Variants in PRDM11 observed in about 807,000 individuals in gnomAD.
PRDM11 encodes the protein PR domain-containing protein 11.
In PRDM11, 20 loss-of-function variants were observed where a neutral mutation model predicts 97.8. The observed-to-expected ratio is 0.20, with a 90% CI of 0.14 to 0.30. The LOEUF (loss-of-function observed/expected upper bound fraction) is 0.30, where lower values mean the gene tolerates loss of function less well. Among genes scored for constraint, PRDM11 ranks in the 10% least tolerant of loss-of-function variants. PRDM11 has a pLI of 1.00. For missense variants in PRDM11, 1,139 were observed against 1,555.2 expected (o/e 0.73, Z 4.50); for synonymous variants, 599 against 637.7 (o/e 0.94, Z 0.91).
At chr11:45,193,130 G>A (rs1267108727) in intron 4 of PRDM11, among the ~76,000 whole-genome samples, 2 of 152,128 alleles carry the variant, frequency 1.3e-5, no homozygotes, top group Non-Finnish European at 2.9e-5. Flanking sequence ...CAGGCTGAGT[G>A]CAATGGCAAG....
At position 45,162,811 on chromosome 11, in the gene PRDM11, C is replaced by T. The variant is rs904377512; in HGVS notation, c.-7+15934C>T. Among the ~76,000 whole-genome samples the T allele has an allele frequency of 2.0e-5, 3 of 152,236 alleles. No individual in the cohort carries two copies. The South Asian group carries it at 6.2e-4, about 32-fold the overall frequency. On this transcript the variant is annotated intron_variant, in intron 1 of 7. Coordinates refer to ENST00000683152, the MANE Select transcript of PRDM11 (RefSeq NM_001384648.1). Reference sequence around the variant, plus strand: ...AAGGTGGCAGTGCGCCTTTCTCACTCCTGGCACCATGCCTGACACATGGCA... The same window carrying T: ...AAGGTGGCAGTGCGCCTTTCTCACTTCTGGCACCATGCCTGACACATGGCA...
chr11:45,165,628 A>T (rs1158339093), intron 1 of PRDM11, among the ~76,000 whole-genome samples: 2 of 152,228 alleles, frequency 1.3e-5, no homozygotes, highest in Non-Finnish European at 2.9e-5. Flanking sequence ...GCTCCAGGGG[A>T]TCGTTGCCAT....
chr11:45,147,823 G>T (rs963950030), intron 1 of PRDM11, among the ~76,000 whole-genome samples: 2 of 152,198 alleles, frequency 1.3e-5, no homozygotes, highest in African/African-American at 4.8e-5. Flanking sequence ...CGTTTGCTTC[G>T]TGTGGAGAAA....
chr11:45,200,576 G>C (rs1319739515), intron 4 of PRDM11, among the ~76,000 whole-genome samples: 1 of 152,180 alleles, frequency 6.6e-6, no homozygotes, highest in Admixed American at 6.5e-5. Context: ...TGGCTCCATG[G>C]CTCTTACTAC....
chr11:45,212,152 G>A (rs900259171), intron 5 of PRDM11, among the ~76,000 whole-genome samples: 1 of 152,238 alleles, frequency 6.6e-6, no homozygotes, highest in Admixed American at 6.5e-5. Flanking sequence ...GAGATGAACT[G>A]ACTGCTGAGG....
At chr11:45,199,891 C>T (rs1853266145) in intron 4 of PRDM11, among the ~76,000 whole-genome samples, 1 of 152,192 alleles carries the variant, frequency 6.6e-6, no homozygotes, top group Admixed American at 6.5e-5. Context: ...GACTCCATGT[C>T]CCCAGAAAAG....
chr11:45,225,738 A>G (rs1207774046), intron 7 of PRDM11, among the ~76,000 whole-genome samples: 1 of 152,176 alleles, frequency 6.6e-6, no homozygotes, highest in African/African-American at 2.4e-5. Flanking sequence ...CCACACATGG[A>G]GGGCAAGGGC....
intron 1 of PRDM11, among the ~76,000 whole-genome samples, chr11:45,101,555 C>CA (rs1172482163): frequency 0.027 from 1,670 of 61,598 alleles, 140 homozygotes; most frequent in Middle Eastern, 0.074. Context: ...CACTCTGTCT[C>CA]AAAAAAAAAA....
At position 45,219,855 on chromosome 11, in the gene PRDM11, C is replaced by A; in HGVS notation, c.742+98C>A. 1 of 1,346,572 alleles carries A rather than the reference C, an allele frequency of 7.4e-7. No homozygotes were observed. Among genetic ancestry groups the A allele is most frequent in the Non-Finnish European group, 1.0e-6 (1 of 1,000,628 alleles). 83.4% of individuals were successfully genotyped at this position (1,346,572 alleles called of 1,614,324 possible). On this transcript the variant is annotated intron_variant, in intron 6 of 7. Transcript: ENST00000683152. This position sits in a 1 kb window ranked among gnomAD's most constrained non-coding sequence, Gnocchi z 4.2. ...GCTTCCTGAGAAATACGGTTCCCAG[C>A]AATGGGAAGACCCAGAGTGATTCGG...
chr11:45,174,500 C>T (rs114567372), intron 1 of PRDM11, among the ~76,000 whole-genome samples: 2,315 of 152,246 alleles, frequency 0.015, 60 homozygotes, highest in African/African-American at 0.053. Context: ...AGGTATGCTT[C>T]GGGTAGAGAT....
At chr11:45,181,720 T>C (rs912460961) in intron 1 of PRDM11, 41 bp from the exon 2 acceptor site, 12 of 1,562,420 alleles carry the variant, frequency 7.7e-6, no homozygotes, top group Non-Finnish European at 1.1e-5. Context: ...CCCTGTTTCT[T>C]TGATCCTCTT....
At chr11:45,142,674 C>G (rs1412739134), upstream of PRDM11, among the ~76,000 whole-genome samples, 2 of 152,118 alleles carry the variant, frequency 1.3e-5, no homozygotes, top group African/African-American at 2.4e-5. Flanking sequence ...ATGATCTGAC[C>G]CAAGGCATTT....
intron 2 of PRDM11, 71 bp from the exon 3 acceptor site, chr11:45,182,175 C>A: frequency 1.4e-6 from 2 of 1,394,064 alleles, no homozygotes; most frequent in Non-Finnish European, 2.0e-6. Context: ...AGGTCCCCAG[C>A]TTTTGTCCCC....
At chr11:45,211,983 G>GT (rs1853754731) in intron 5 of PRDM11, among the ~76,000 whole-genome samples, 1 of 152,238 alleles carries the variant, frequency 6.6e-6, no homozygotes, top group Non-Finnish European at 1.5e-5. Flanking sequence ...GGCCAAGAGC[G>GT]TCTTAGTACC....
rs903586447 is a variant in PRDM11 at position 45,197,503 on chromosome 11, CAAT to C, written c.487-7193_487-7191del. Reference sequence around the variant, plus strand: ...GTAGATCTTATGTTAAGTATTATCACAATAATAATAATAATAAGAGCAGGAGGA... The same window carrying C: ...GTAGATCTTATGTTAAGTATTATCACAATAATAATAATAAGAGCAGGAGGA... On this transcript the variant is annotated intron_variant, in intron 4 of 7. Coordinates refer to ENST00000683152, the MANE Select transcript of PRDM11 (RefSeq NM_001384648.1). 1.7e-4 allele frequency among the ~76,000 whole-genome samples: 26 copies of C among 151,212 alleles called. No individual in the cohort carries two copies. The South Asian group carries it at 4.8e-3, about 28-fold the overall frequency.
chr11:45,119,459 C>G (rs1440607576), intron 1 of PRDM11, among the ~76,000 whole-genome samples: 2 of 151,802 alleles, frequency 1.3e-5, no homozygotes, highest in African/African-American at 4.8e-5. Context: ...AACCCTGTCT[C>G]TACTATAAAA....
chr11:45,150,439 C>A (rs1223930563), intron 1 of PRDM11, among the ~76,000 whole-genome samples: 6 of 152,226 alleles, frequency 3.9e-5, no homozygotes, highest in Non-Finnish European at 8.8e-5. Flanking sequence ...GCTCACCAAA[C>A]ACCTTCTGTT....
Position 45,224,253 on chromosome 11 carries a change from T to C in PRDM11, c.779T>C (p.Val260Ala), listed in dbSNP as rs1430408926. 1 of 1,609,926 alleles carries C rather than the reference T, an allele frequency of 6.2e-7. No homozygotes were observed. The highest frequency in any genetic ancestry group is 2.2e-5 in the East Asian group (1 of 44,866). The change falls in exon 7 of 8, where the codon GTT becomes GCT. Residue 260 changes from valine to alanine, a missense_variant. Transcript: ENST00000683152. Reference sequence around the variant, plus strand: ...TTGCAGAGGGAGAAGTCTGAGCAGGTTCTGGATAACCCAGAAGACCTGAGG... The same window carrying C: ...TTGCAGAGGGAGAAGTCTGAGCAGGCTCTGGATAACCCAGAAGACCTGAGG... ...KRLQREKSEQ[V>A]LDNPEDLRGP...
At chr11:45,178,388 G>A (rs1314303455) in intron 1 of PRDM11, among the ~76,000 whole-genome samples, 1 of 152,090 alleles carries the variant, frequency 6.6e-6, no homozygotes, top group Non-Finnish European at 1.5e-5. Flanking sequence ...TCAGAATCCG[G>A]CTCTGAGTCT....
Sources: gnomAD v4.1 joint callset for allele counts (sites outside exome capture counted in the v4.1 genomes callset) on GRCh38, gnomAD v4.1.1 for gene constraint, Gnocchi (gnomAD v3.1) non-coding constraint, MANE v1.5 for transcripts, NCBI Gene and HGNC (gene_info 2026-07-23, HGNC 2026-07-21) for gene names.